Variants in MTMR8 observed in about 807,000 individuals in gnomAD.
MTMR8 encodes phosphatidylinositol-3,5-bisphosphate 3-phosphatase MTMR8.
A neutral mutation model predicts 39.3 loss-of-function variants in MTMR8; 65 were observed. That is an observed-to-expected ratio of 1.65 (90% CI 1.35 to 2.03). The LOEUF (loss-of-function observed/expected upper bound fraction) is 2.03, where lower values mean the gene tolerates loss of function less well. Ranked by LOEUF, MTMR8 falls within the 30% of genes most tolerant of loss-of-function variation. The probability of loss-of-function intolerance (pLI) is 0.00; values close to 1 mark genes in which losing one functional copy is unlikely to be tolerated. For missense variants in MTMR8, 777 were observed against 538.9 expected, an observed-to-expected ratio of 1.44 and a Z score of -4.37; for synonymous variants, 245 against 185.2, an observed-to-expected ratio of 1.32 and a Z score of -2.62.
At chrX:64,286,946 T>C (rs1339832178) in intron 12 of MTMR8, among the ~76,000 whole-genome samples, 3 of 111,369 alleles carry the variant, frequency 2.7e-5, no homozygotes, top group Admixed American at 9.6e-5. Context: ...CAACATAGTG[T>C]TGGAAGTTCT....
Position 64,354,759 on chromosome X carries a change from C to A in MTMR8, c.468+18G>T. 1 of 1,158,838 alleles carries A rather than the reference C, an allele frequency of 8.6e-7. No homozygotes were observed. The highest frequency in any genetic ancestry group is 1.1e-6 in the Non-Finnish European group (1 of 870,304). On this transcript the variant is annotated intron_variant, in intron 4 of 13. Transcript: ENST00000374852. ...TTAATTAAATGCACCAAAAGGCAAA[C>A]AACAAGGACAAAATTACCTCATAGT...
intron 12 of MTMR8, among the ~76,000 whole-genome samples, chrX:64,327,902 A>C (rs147384468): frequency 1.3e-4 from 15 of 112,428 alleles, no homozygotes; most frequent in African/African-American, 4.5e-4. Flanking sequence ...GTTGGAGAAC[A>C]TTATGTTAAG....
chrX:64,383,259 C>T (rs1924477272), intron 1 of MTMR8, among the ~76,000 whole-genome samples: 1 of 109,999 alleles, frequency 9.1e-6, no homozygotes, highest in Admixed American at 9.9e-5. Flanking sequence ...GCATTCATTT[C>T]CAGCATAGAG....
intron 12 of MTMR8, among the ~76,000 whole-genome samples, chrX:64,312,487 G>A (rs1922342311): frequency 8.9e-6 from 1 of 112,156 alleles, no homozygotes; most frequent in South Asian, 3.7e-4. Context: ...GGGCAATCAG[G>A]CAAGAGAAAG....
At chrX:64,295,905 G>T (rs1484959043) in intron 12 of MTMR8, among the ~76,000 whole-genome samples, 1 of 111,785 alleles carries the variant, frequency 8.9e-6, no homozygotes, top group Non-Finnish European at 1.9e-5. Context: ...CTTCGAAGTC[G>T]TTTAAAAAGT....
chrX:64,351,249 A>G (rs1422415913), intron 4 of MTMR8, among the ~76,000 whole-genome samples: 1 of 111,394 alleles, frequency 9.0e-6, no homozygotes, highest in Non-Finnish European at 1.9e-5. Context: ...CCTCTCAAGC[A>G]TGACCCTAAC....
chrX:64,375,457 G>C (rs1465437192), intron 1 of MTMR8, among the ~76,000 whole-genome samples: 1 of 111,812 alleles, frequency 8.9e-6, no homozygotes, highest in African/African-American at 3.2e-5. Flanking sequence ...AAAGACTTCA[G>C]AGCAAGGAAA....
chrX:64,386,786 G>A (rs757603702), intron 1 of MTMR8, among the ~76,000 whole-genome samples: 1 of 111,391 alleles, frequency 9.0e-6, no homozygotes, highest in South Asian at 3.8e-4. Flanking sequence ...GCTTTCACCT[G>A]TAATTCCAGA....
intron 1 of MTMR8, among the ~76,000 whole-genome samples, chrX:64,386,221 T>C (rs1015094776): frequency 8.9e-6 from 1 of 112,057 alleles, no homozygotes; most frequent in African/African-American, 3.2e-5. Context: ...CTCATTCTAT[T>C]TTGTAGAATG....
chrX:64,340,449 G>A (rs1569224200), intron 8 of MTMR8, among the ~76,000 whole-genome samples: 1 of 110,893 alleles, frequency 9.0e-6, no homozygotes. Flanking sequence ...ATAGAGGATG[G>A]TATAGCTAAA....
At chrX:64,349,281 A>T (rs753680540) in intron 5 of MTMR8, among the ~76,000 whole-genome samples, 1 of 111,756 alleles carries the variant, frequency 8.9e-6, no homozygotes, top group African/African-American at 3.2e-5. Context: ...ACACAAAAAC[A>T]ACGTAACTAT....
chrX:64,347,064 G>A (rs1284249066), intron 6 of MTMR8, among the ~76,000 whole-genome samples: 1 of 110,862 alleles, frequency 9.0e-6, no homozygotes, highest in Non-Finnish European at 1.9e-5. Flanking sequence ...AGATGATATG[G>A]ATAAAGGCTG....
At chrX:64,270,165 A>G (rs1931727495) in intron 13 of MTMR8, among the ~76,000 whole-genome samples, 1 of 111,662 alleles carries the variant, frequency 9.0e-6, no homozygotes, top group Non-Finnish European at 1.9e-5. Context: ...CCACCTTTAA[A>G]AAAAATGGAA....
chrX:64,328,650 G>T, intron 12 of MTMR8, 122 bp downstream of exon 12: 1 of 667,014 alleles, frequency 1.5e-6, no homozygotes, highest in South Asian at 6.5e-5. Context: ...GGTGATATGA[G>T]GACAGAGTAT....
At chrX:64,283,574 C>G (rs1344063028) in intron 12 of MTMR8, among the ~76,000 whole-genome samples, 1 of 112,152 alleles carries the variant, frequency 8.9e-6, no homozygotes, top group Admixed American at 9.4e-5. Flanking sequence ...AGACACCCCC[C>G]AGTAGGGGCA....
intron 12 of MTMR8, among the ~76,000 whole-genome samples, chrX:64,280,809 A>C (rs113080049): frequency 9.0e-6 from 1 of 111,631 alleles, no homozygotes; most frequent in Non-Finnish European, 1.9e-5. Flanking sequence ...TTATTGTCTC[A>C]GTTCAAAAGC....
intron 1 of MTMR8, among the ~76,000 whole-genome samples, chrX:64,386,240 C>A (rs1355809643): frequency 9.0e-6 from 1 of 111,698 alleles, no homozygotes; most frequent in Non-Finnish European, 1.9e-5. Context: ...TGGAGGTTCC[C>A]CAATTCATGA....
intron 4 of MTMR8, among the ~76,000 whole-genome samples, chrX:64,350,332 T>C (rs187906938): frequency 1.1e-3 from 118 of 110,476 alleles, no homozygotes; most frequent in Middle Eastern, 4.6e-3. Context: ...CTCCTCTACC[T>C]GTCTGCTTCA....
At chrX:64,382,808 A>G (rs1486939138) in intron 1 of MTMR8, among the ~76,000 whole-genome samples, 1 of 111,650 alleles carries the variant, frequency 9.0e-6, no homozygotes, top group Non-Finnish European at 1.9e-5. Context: ...AATTTAGGCC[A>G]ATGGCTCTCC....
Sources: gnomAD v4.1 joint callset for allele counts (sites outside exome capture counted in the v4.1 genomes callset) on GRCh38, gnomAD v4.1.1 for gene constraint, MANE v1.5 for transcripts, NCBI Gene and HGNC (gene_info 2026-07-23, HGNC 2026-07-21) for gene names.